Variants in RMDN2 observed in about 807,000 individuals in gnomAD.
RMDN2 encodes regulator of microtubule dynamics 2.
In RMDN2, 61 loss-of-function variants were observed where a neutral mutation model predicts 52.8. The ratio of observed to expected loss-of-function variants is 1.16; its 90% CI spans 0.94 to 1.43. RMDN2 has a LOEUF of 1.43. RMDN2 is among the 40% of genes most tolerant of loss of function. The probability of loss-of-function intolerance (pLI) is 0.00; values close to 1 mark genes in which losing one functional copy is unlikely to be tolerated. For synonymous variants in RMDN2, 180 were observed against 153.1 expected (o/e 1.18, Z -1.30); for missense variants, 592 against 475.3 (o/e 1.25, Z -2.28).
intron 10 of RMDN2, chr2:38,027,289 G>C (rs1679847824): frequency 6.6e-6 from 1 of 152,062 alleles, no homozygotes. Context: ...CATCTTGTTT[G>C]TTACCCATCT....
chr2:38,022,858 C>T (rs1158520555), intron 10 of RMDN2, among the ~76,000 whole-genome samples: 1 of 152,136 alleles, frequency 6.6e-6, no homozygotes, highest in East Asian at 1.9e-4. Context: ...TCATTTTTAC[C>T]AATAAACAGT....
chr2:37,938,576 G>T (rs1272494455), intron 2 of RMDN2, among the ~76,000 whole-genome samples: 2 of 152,332 alleles, frequency 1.3e-5, no homozygotes, highest in Middle Eastern at 6.8e-3. Flanking sequence ...TTCAGAACTT[G>T]TTATTGGTCT....
At chr2:38,009,726 C>T (rs893189607) in intron 10 of RMDN2, among the ~76,000 whole-genome samples, 5 of 152,212 alleles carry the variant, frequency 3.3e-5, no homozygotes, top group African/African-American at 7.2e-5. Context: ...AGTCATTCTC[C>T]GTCCAGCTTT....
chr2:37,991,112 A>T lies in RMDN2; in HGVS notation c.868-108A>T, dbSNP rs747799658. ...TGTATTAATGATAGGGATGGGGAGAACTGAGACAATATTTTAAAACCACTT... is the reference window on the plus strand; with the variant it reads ...TGTATTAATGATAGGGATGGGGAGATCTGAGACAATATTTTAAAACCACTT... On this transcript the variant is annotated intron_variant, in intron 6 of 10. Coordinates refer to ENST00000354545, the MANE Select transcript of RMDN2 (RefSeq NM_001170791.3). The T allele has an allele frequency of 9.6e-4, 461 of 481,454 alleles. 1 individual carries two copies. Among genetic ancestry groups the T allele is most frequent in the Non-Finnish European group, 1.5e-3 (388 of 263,922 alleles). The allele number at this position is 481,454 out of a possible 1,614,324, so 29.8% of individuals were successfully genotyped here. A position where few individuals can be genotyped will look rare whatever the true frequency, so the allele number is the denominator to read the frequency against.
At chr2:38,067,092 AT>A in exon 11 of RMDN2, 1 of 1,112,724 alleles carries the variant, frequency 9.0e-7, no homozygotes, top group Non-Finnish European at 1.4e-6. Flanking sequence ...GAAGTCAAGT[AT>A]TTTTACCAAG....
chr2:38,036,487 A>T (rs567370343), intron 10 of RMDN2: 1 of 152,316 alleles, frequency 6.6e-6, no homozygotes, highest in East Asian at 1.9e-4. Flanking sequence ...AAGAGTCCAC[A>T]TACCCCTCCC....
chr2:37,951,686 T>A (rs767903168), intron 2 of RMDN2: 1 of 1,612,908 alleles, frequency 6.2e-7, no homozygotes, highest in Non-Finnish European at 8.5e-7. Flanking sequence ...TTAATCTAAA[T>A]GAAATCGAAA....
downstream of RMDN2, among the ~76,000 whole-genome samples, chr2:38,021,119 ACT>A (rs1310023623): frequency 5.9e-5 from 9 of 151,748 alleles, no homozygotes. Context: ...ACCAATCAAC[ACT>A]CTGTAGCTAC....
At chr2:38,039,692 G>T (rs1052374633) in intron 10 of RMDN2, among the ~76,000 whole-genome samples, 5 of 152,276 alleles carry the variant, frequency 3.3e-5, no homozygotes, top group African/African-American at 9.6e-5. Context: ...CTGCAGAATG[G>T]GTTCCCTGAA....
At chr2:37,954,281 T>C (rs954988463) in intron 2 of RMDN2, among the ~76,000 whole-genome samples, 1 of 152,102 alleles carries the variant, frequency 6.6e-6, no homozygotes, top group Non-Finnish European at 1.5e-5. Flanking sequence ...CCAAATCCAC[T>C]GTTGTGAAGC....
intron 5 of RMDN2, among the ~76,000 whole-genome samples, chr2:37,988,611 A>G (rs1674354687): frequency 6.6e-6 from 1 of 152,204 alleles, no homozygotes; most frequent in African/African-American, 2.4e-5. Flanking sequence ...AGTTATGGAT[A>G]TTCATAGAAA....
intron 10 of RMDN2, among the ~76,000 whole-genome samples, chr2:38,062,793 G>C (rs1243904020): frequency 2.3e-5 from 2 of 88,036 alleles, no homozygotes; most frequent in Non-Finnish European, 4.4e-5. Flanking sequence ...ACAGTCCCCA[G>C]TGTGTGATGT....
chr2:37,997,089 A>T (rs2125161326), intron 7 of RMDN2, among the ~76,000 whole-genome samples: 1 of 152,266 alleles, frequency 6.6e-6, no homozygotes, highest in Non-Finnish European at 1.5e-5. Context: ...AAACGGGATC[A>T]GCATTATTTC....
chr2:38,019,705 G>A (rs1230467716), downstream of RMDN2, among the ~76,000 whole-genome samples: 3 of 152,078 alleles, frequency 2.0e-5, no homozygotes, highest in East Asian at 1.9e-4. Flanking sequence ...AGGCTGAGGC[G>A]GGAGGATTCA....
intron 6 of RMDN2, among the ~76,000 whole-genome samples, chr2:37,989,962 T>C (rs544502409): frequency 1.3e-5 from 2 of 151,710 alleles, no homozygotes; most frequent in East Asian, 3.9e-4. Flanking sequence ...GCGAACACTG[T>C]GAAGCCCCAT....
At chr2:37,923,791 C>G (rs1324856073), upstream of RMDN2, among the ~76,000 whole-genome samples, 5 of 152,162 alleles carry the variant, frequency 3.3e-5, no homozygotes, top group Non-Finnish European at 5.9e-5. Context: ...TCATTCTGTC[C>G]CAGACTGGTG....
rs941173433 is a variant in RMDN2, at chr2:38,026,354, C to T, written c.1713+22138C>T. On this transcript the variant is annotated intron_variant, in intron 10 of 10. Transcript: ENST00000234195. ...TTGTGTTTTCCCTATTTCCTGTTTT[C>T]TATATTTGCTGTTACCCTACAGGTA... 9.2e-5 allele frequency among the ~76,000 whole-genome samples: 14 copies of T among 152,022 alleles called. 1 individual carries two copies.
At chr2:38,011,401 A>G (rs1317357391) in intron 10 of RMDN2, among the ~76,000 whole-genome samples, 1 of 152,194 alleles carries the variant, frequency 6.6e-6, no homozygotes, top group Non-Finnish European at 1.5e-5. Flanking sequence ...ACAAAAAAAT[A>G]GGTATATATT....
chr2:38,009,427 C>G (rs1207902930), intron 10 of RMDN2, among the ~76,000 whole-genome samples: 2 of 152,152 alleles, frequency 1.3e-5, no homozygotes, highest in African/African-American at 4.8e-5. Flanking sequence ...TCTTTTTTCT[C>G]TACACTTCTC....
Sources: allele counts gnomAD v4.1 joint callset (sites outside exome capture counted in the v4.1 genomes callset), GRCh38; gene constraint gnomAD v4.1.1; transcripts MANE v1.5; gene names NCBI Gene and HGNC (gene_info 2026-07-23, HGNC 2026-07-21).